Variants in ERCC1 observed in about 807,000 individuals in gnomAD.
ERCC1 encodes ERCC excision repair 1, endonuclease non-catalytic subunit, also known as DNA excision repair protein ERCC-1.
Under a neutral mutation model 37.6 loss-of-function variants are expected in ERCC1, and 36 were observed. The observed-to-expected ratio is 0.96, with a 90% CI of 0.73 to 1.26. ERCC1 has a LOEUF of 1.26. Ranked by LOEUF, ERCC1 falls within the 50% of genes most tolerant of loss-of-function variation. The pLI is 0.00. For synonymous variants in ERCC1, 156 were observed against 162.1 expected, an observed-to-expected ratio of 0.96 and a Z score of 0.28; for missense variants, 349 against 376.5, an observed-to-expected ratio of 0.93 and a Z score of 0.60.
chr19:45,427,616 A>C (rs1599849881), upstream of ERCC1, among the ~76,000 whole-genome samples: 1 of 152,214 alleles, frequency 6.6e-6, no homozygotes, highest in Admixed American at 6.6e-5. Flanking sequence ...TCCGTCTCAA[A>C]AAACGAAAAA....
At chr19:45,428,301 A>C (rs1568593981), upstream of ERCC1, among the ~76,000 whole-genome samples, 1 of 150,942 alleles carries the variant, frequency 6.6e-6, no homozygotes, top group African/African-American at 2.5e-5. Context: ...GGGTCTCACT[A>C]TAGCCCAGGC....
At position 45,421,315 on chromosome 19, in the gene ERCC1, C is replaced by A. The variant is rs150584960; in HGVS notation, c.184G>T (p.Glu62Ter). The change falls in exon 3 of 10, where the codon GAA (glutamate) becomes TAA (stop). Residue 62 changes from glutamate (E) to a stop codon, truncating the protein, a stop_gained. Transcript: ENST00000300853. LOFTEE classifies it high-confidence loss of function. ...TCCAGAGGCTGTGAGATGGCATATTCGGCGTAGGTCTGAGGGGCCGCCTGG... is the reference window on the plus strand; with the variant it reads ...TCCAGAGGCTGTGAGATGGCATATTAGGCGTAGGTCTGAGGGGCCGCCTGG... ...SAQAAPQTYA[E>*]YAISQPLEGA... The A allele has an allele frequency of 6.2e-7, 1 of 1,614,064 alleles. No individual in the cohort carries two copies. Among genetic ancestry groups the A allele is most frequent in the East Asian group, 2.2e-5 (1 of 44,882 alleles).
At position 45,409,318 on chromosome 19, in the gene ERCC1, G is replaced by A; in HGVS notation, c.*357C>T. 1 of 1,614,134 alleles carries A rather than the reference G, an allele frequency of 6.2e-7. No individual in the cohort carries two copies. The highest frequency in any genetic ancestry group is 8.5e-7 in the Non-Finnish European group (1 of 1,180,024). On this transcript the variant is annotated 3_prime_UTR_variant, in exon 10 of 10. Coordinates refer to ENST00000300853, the MANE Select transcript of ERCC1 (RefSeq NM_001983.4). ...AGCCTGAACTGCCAGGGGAGGGACAGCCTGAAGCCAGGGCAACTCCGGGAT... is the reference window on the plus strand; with the variant it reads ...AGCCTGAACTGCCAGGGGAGGGACAACCTGAAGCCAGGGCAACTCCGGGAT...
upstream of ERCC1, chr19:45,423,961 G>T: frequency 1.9e-6 from 2 of 1,076,140 alleles, no homozygotes; most frequent in Non-Finnish European, 2.3e-6. Flanking sequence ...GCATAGAGCA[G>T]GGCGATCTCT....
At chr19:45,425,237 A>C (rs1263661694), upstream of ERCC1, among the ~76,000 whole-genome samples, 2 of 150,420 alleles carry the variant, frequency 1.3e-5, no homozygotes, top group Non-Finnish European at 3.0e-5. Flanking sequence ...ATAATGATAT[A>C]TTCTATCATT....
At chr19:45,425,699 C>T (rs960391453), upstream of ERCC1, among the ~76,000 whole-genome samples, 1 of 152,074 alleles carries the variant, frequency 6.6e-6, no homozygotes, top group African/African-American at 2.4e-5. Flanking sequence ...GCACCGAGGT[C>T]GTTGTTTATG....
At chr19:45,416,636 T>TA in intron 6 of ERCC1, 185 bp downstream of exon 6, 1 of 523,534 alleles carries the variant, frequency 1.9e-6, no homozygotes, top group Non-Finnish European at 3.3e-6. Context: ...AGGCTCTGTA[T>TA]CAAAAAAAAA....
At chr19:45,413,338 C>T in intron 9 of ERCC1, 1 of 571,770 alleles carries the variant, frequency 1.7e-6, no homozygotes, top group Non-Finnish European at 3.1e-6. Flanking sequence ...ATGCTTATAG[C>T]TCACTGCAGC....
Position 45,407,581 on chromosome 19 carries a change from A to G in ERCC1, c.*2094T>C. 3.3e-6 allele frequency: 1 copy of G among 303,888 alleles called. No homozygotes were observed. The highest frequency in any genetic ancestry group is 6.0e-6 in the Non-Finnish European group (1 of 165,616). 18.8% of individuals were successfully genotyped at this position (303,888 alleles called of 1,614,324 possible). A position where few individuals can be genotyped will look rare whatever the true frequency, so the allele number is the denominator to read the frequency against. ...GTTATATTTAAGTAATGGGGGCTGC[A>G]TTCTTAGGACATTTGGACATTCTGC... On this transcript the variant is annotated 3_prime_UTR_variant, in exon 10 of 10. Transcript: ENST00000300853.
At chr19:45,422,309 A>T (rs1199846593) in intron 2 of ERCC1, among the ~76,000 whole-genome samples, 1 of 151,850 alleles carries the variant, frequency 6.6e-6, no homozygotes, top group Non-Finnish European at 1.5e-5. Flanking sequence ...CTCCAGCCCC[A>T]CCAGACTTCG....
chr19:45,432,287 TTATTA>T lies in ERCC1; in HGVS notation c.-7-8911_-7-8907del, dbSNP rs1568596060. Among the ~76,000 whole-genome samples the T allele has an allele frequency of 1.3e-4, 5 of 39,416 alleles. No individual in the cohort carries two copies. The African/African-American group carries it at 1.9e-3, about 15-fold the overall frequency. 25.9% of individuals were successfully genotyped at this position (39,416 alleles called of 152,430 possible). A position where few individuals can be genotyped will look rare whatever the true frequency, so the allele number is the denominator to read the frequency against. On this transcript the variant is annotated intron_variant, in intron 1 of 8. Coordinates refer to the ERCC1 transcript ENST00000423698. ...GCCTGGCCAACACAAAATTAATTTA[TTATTA>T]TTATTATTATTATTATTATTATTAG... is the stretch of plus-strand genomic sequence containing the variant.
rs769283749 is a variant in ERCC1 at position 45,408,706 on chromosome 19, C to G, written c.*969G>C. On this transcript the variant is annotated 3_prime_UTR_variant, in exon 10 of 10. Transcript: ENST00000300853. ...CACTGGAGCCTCTGGGAGTGCTGTT[C>G]CCGTCCACCACCAAGAAGAGGAAGA... is the stretch of plus-strand genomic sequence containing the variant. The G allele has an allele frequency of 6.2e-7, 1 of 1,613,758 alleles. No homozygotes were observed. Among genetic ancestry groups the G allele is most frequent in the Admixed American group, 1.7e-5 (1 of 59,988 alleles).
intron 2 of ERCC1, among the ~76,000 whole-genome samples, chr19:45,421,852 C>T (rs759086757): frequency 2.6e-5 from 4 of 151,982 alleles, no homozygotes; most frequent in African/African-American, 7.3e-5. Context: ...AGGCTGATCT[C>T]GAACTCCTGA....
chr19:45,438,358 G>A (rs1203115943), intron 1 of ERCC1, among the ~76,000 whole-genome samples: 2 of 152,192 alleles, frequency 1.3e-5, no homozygotes, highest in African/African-American at 2.4e-5. Context: ...GTGAGTCACC[G>A]CACCTGGCCC....
Position 45,413,965 on chromosome 19 carries a change from CA to C in ERCC1, c.771del (p.Phe257LeufsTer38). On this transcript the variant is annotated frameshift_variant, in exon 8 of 10. Transcript: ENST00000300853. LOFTEE classifies it high-confidence loss of function. ...KTDSQTLLTT[F>X]GSLEQLIAAS... Reference sequence around the variant, plus strand: ...GGGGCAGGGGAGCCATTCCTTACTCCAAATGTGGTCAGGAGGGTCTGACTGT... The same window carrying C: ...GGGGCAGGGGAGCCATTCCTTACTCCAATGTGGTCAGGAGGGTCTGACTGT... 1 of 1,613,498 alleles carries C rather than the reference CA, an allele frequency of 6.2e-7. No homozygotes were observed. Among genetic ancestry groups the C allele is most frequent in the Non-Finnish European group, 8.5e-7 (1 of 1,179,808 alleles).
intron 1 of ERCC1, among the ~76,000 whole-genome samples, chr19:45,438,486 A>G (rs1382864416): frequency 3.3e-5 from 5 of 152,030 alleles, no homozygotes; most frequent in Non-Finnish European, 7.4e-5. Flanking sequence ...ATTTTAAGAC[A>G]GTCTCACTCT....
In ERCC1 at chr19:45,420,880, C is replaced by CT. The variant is rs1974376474; in HGVS notation, c.321+297dup. Among the ~76,000 whole-genome samples the CT allele has an allele frequency of 6.6e-6, 1 of 152,068 alleles. No individual in the cohort carries two copies. Among genetic ancestry groups the CT allele is most frequent in the South Asian group, 2.1e-4 (1 of 4,826 alleles). ...TCAGGTGATCCACCTGCCTCAGCCT[C>CT]TCCAAAGTGCTGGGATTACAGGTGT... On this transcript the variant is annotated intron_variant, in intron 3 of 9. Transcript: ENST00000300853. The surrounding 1 kb of genome is among the most constrained non-coding windows in gnomAD (Gnocchi z 4.8).
At chr19:45,437,002 C>A (rs933463254) in intron 1 of ERCC1, among the ~76,000 whole-genome samples, 1 of 152,080 alleles carries the variant, frequency 6.6e-6, no homozygotes, top group Non-Finnish European at 1.5e-5. Flanking sequence ...GTAATCCCAG[C>A]ACTTTGGGAG....
At chr19:45,434,155 C>CAAAAAAAAAA (rs138387403) in intron 1 of ERCC1, among the ~76,000 whole-genome samples, 1 of 97,448 alleles carries the variant, frequency 1.0e-5, no homozygotes, top group Non-Finnish European at 2.1e-5. Flanking sequence ...CACACACACA[C>CAAAAAAAAAA]AAAAAAAAAA....
Sources: gnomAD v4.1 joint callset for allele counts (sites outside exome capture counted in the v4.1 genomes callset) on GRCh38, gnomAD v4.1.1 for gene constraint, Gnocchi (gnomAD v3.1) non-coding constraint, MANE v1.5 for transcripts, NCBI Gene and HGNC (gene_info 2026-07-23, HGNC 2026-07-21) for gene names.